Variants in CNTN5 observed in about 807,000 individuals in gnomAD.
CNTN5 encodes contactin-5.
In CNTN5, 77 loss-of-function variants were observed where a neutral mutation model predicts 129.1. The observed-to-expected ratio is 0.60, with a 90% CI of 0.50 to 0.72. The LOEUF (loss-of-function observed/expected upper bound fraction) is 0.72. Among genes scored for constraint, CNTN5 ranks in the 30% least tolerant of loss-of-function variants. The probability of loss-of-function intolerance (pLI) is 0.00; values close to 1 mark genes in which losing one functional copy is unlikely to be tolerated. For synonymous variants in CNTN5, 509 were observed against 465.6 expected, an observed-to-expected ratio of 1.09 and a Z score of -1.20; for missense variants, 1,478 against 1,328.8, an observed-to-expected ratio of 1.11 and a Z score of -1.75.
At chr11:99,986,479 G>T (rs1938686048) in intron 8 of CNTN5, among the ~76,000 whole-genome samples, 1 of 152,092 alleles carries the variant, frequency 6.6e-6, no homozygotes, top group Admixed American at 6.5e-5. Context: ...GTTCTTGACA[G>T]TTTTGTGCCC....
intron 15 of CNTN5, among the ~76,000 whole-genome samples, chr11:100,204,037 G>C (rs925604315): frequency 6.6e-6 from 1 of 151,394 alleles, no homozygotes; most frequent in South Asian, 2.1e-4. Flanking sequence ...TCCTTTCCCA[G>C]TGCTTCCATT....
At chr11:99,685,489 T>C (rs879565363) in intron 3 of CNTN5, among the ~76,000 whole-genome samples, 10 of 151,978 alleles carry the variant, frequency 6.6e-5, no homozygotes, top group Non-Finnish European at 1.2e-4. Flanking sequence ...TCAATTTATC[T>C]ATTATTTTTG....
At chr11:99,069,668 A>G (rs971536436) in intron 1 of CNTN5, among the ~76,000 whole-genome samples, 1 of 152,140 alleles carries the variant, frequency 6.6e-6, no homozygotes, top group Non-Finnish European at 1.5e-5. Flanking sequence ...CTTAATAAAT[A>G]TTTGTTTTAG....
intron 4 of CNTN5, among the ~76,000 whole-genome samples, chr11:99,825,762 T>C (rs963948236): frequency 6.6e-6 from 1 of 152,110 alleles, no homozygotes; most frequent in African/African-American, 2.4e-5. Flanking sequence ...AGTTGTTATT[T>C]CCTTTGTTAA....
intron 24 of CNTN5, 44 bp from the exon 25 acceptor site, chr11:100,356,073 A>C (rs779849294): frequency 7.2e-7 from 1 of 1,393,232 alleles, no homozygotes; most frequent in East Asian, 2.4e-5. Flanking sequence ...TAGCTCAAGC[A>C]AAACCAAGAT....
intron 6 of CNTN5, among the ~76,000 whole-genome samples, chr11:99,883,060 T>G (rs1281713951): frequency 2.0e-5 from 3 of 152,202 alleles, no homozygotes; most frequent in Non-Finnish European, 2.9e-5. Flanking sequence ...CATTCTTTTT[T>G]CTTTTGTGGC....
intron 6 of CNTN5, among the ~76,000 whole-genome samples, chr11:99,880,234 TG>T (rs1948737199): frequency 6.6e-6 from 1 of 152,230 alleles, no homozygotes; most frequent in Non-Finnish European, 1.5e-5. Context: ...ATAGCATTCA[TG>T]TTGCCATTGC....
At chr11:99,941,207 A>G (rs1050388072) in intron 7 of CNTN5, among the ~76,000 whole-genome samples, 5 of 152,192 alleles carry the variant, frequency 3.3e-5, no homozygotes, top group Non-Finnish European at 5.9e-5. Context: ...TTCAAGTCTC[A>G]TGTCCTTATC....
intron 1 of CNTN5, among the ~76,000 whole-genome samples, chr11:99,234,834 T>C (rs1396193047): frequency 2.0e-5 from 3 of 152,240 alleles, no homozygotes; most frequent in African/African-American, 7.2e-5. Flanking sequence ...GACACAGATA[T>C]CATTATGTCA....
chr11:99,408,848 C>A (rs543510038), intron 2 of CNTN5, among the ~76,000 whole-genome samples: 5 of 152,264 alleles, frequency 3.3e-5, no homozygotes, highest in Non-Finnish European at 7.4e-5. Flanking sequence ...CAATGGTTGA[C>A]TGAATAATAA....
At chr11:100,055,027 C>T (rs892231005) in intron 9 of CNTN5, among the ~76,000 whole-genome samples, 1 of 68,634 alleles carries the variant, frequency 1.5e-5, no homozygotes, top group African/African-American at 6.4e-5. Context: ...TAGCCGTAGC[C>T]TAAAAAAAAA....
chr11:99,551,903 G>T (rs555010944), intron 2 of CNTN5, among the ~76,000 whole-genome samples: 7 of 150,370 alleles, frequency 4.7e-5, no homozygotes, highest in African/African-American at 1.7e-4. Context: ...GAAACACTGA[G>T]TTTTTTCTTT....
At chr11:99,616,078 A>G (rs1307169390) in intron 3 of CNTN5, among the ~76,000 whole-genome samples, 1 of 152,034 alleles carries the variant, frequency 6.6e-6, no homozygotes, top group African/African-American at 2.4e-5. Context: ...ACACTTCTCC[A>G]TGTAAGCATT....
Position 100,038,382 on chromosome 11 carries a change from T to C in CNTN5, c.981-22830T>C, listed in dbSNP as rs575995630. On this transcript the variant is annotated intron_variant, in intron 9 of 24. Coordinates refer to ENST00000524871, the MANE Select transcript of CNTN5 (RefSeq NM_014361.4). ...TTACATTTGCTGAGGAGTGCTTTAC[T>C]TCCAACTATGTGGTCAATTTTGGAA... 5.9e-4 allele frequency among the ~76,000 whole-genome samples: 90 copies of C among 152,338 alleles called. 1 individual carries two copies. Among genetic ancestry groups the C allele is most frequent in the Middle Eastern group, 6.8e-3 (2 of 294 alleles).
rs932009139 is a variant in CNTN5, at chr11:99,292,399, C to T, written c.-209-32947C>T. 2.0e-5 allele frequency among the ~76,000 whole-genome samples: 3 copies of T among 151,890 alleles called. No homozygotes were observed. In the East Asian group the frequency reaches 5.8e-4, roughly 29 times the overall value. Reference sequence around the variant, plus strand: ...TTTCCAGTGAAATCAAAGGAAAGACCACTTATGTGTAAGAAAATAGAGGAA... The same window carrying T: ...TTTCCAGTGAAATCAAAGGAAAGACTACTTATGTGTAAGAAAATAGAGGAA... On this transcript the variant is annotated intron_variant, in intron 1 of 24. Coordinates refer to ENST00000524871, the MANE Select transcript of CNTN5 (RefSeq NM_014361.4).
At chr11:99,925,424 C>A (rs575671228) in intron 7 of CNTN5, among the ~76,000 whole-genome samples, 13 of 152,266 alleles carry the variant, frequency 8.5e-5, no homozygotes, top group African/African-American at 2.9e-4. Context: ...GTGTATAATG[C>A]ATTTGGTTGT....
At chr11:99,619,870 C>CA (rs1247092584) in intron 3 of CNTN5, among the ~76,000 whole-genome samples, 5 of 151,480 alleles carry the variant, frequency 3.3e-5, no homozygotes, top group Non-Finnish European at 5.9e-5. Flanking sequence ...ACTAAAAATA[C>CA]AAAAAATTAG....
intron 3 of CNTN5, among the ~76,000 whole-genome samples, chr11:99,570,792 T>TG (rs1313966018): frequency 6.6e-5 from 10 of 152,070 alleles, no homozygotes. Context: ...TGAGTAATAT[T>TG]GGGGGAGATG....
chr11:99,996,264 A>G (rs1939438311), intron 8 of CNTN5, among the ~76,000 whole-genome samples: 1 of 152,040 alleles, frequency 6.6e-6, no homozygotes, highest in African/African-American at 2.4e-5. Context: ...TTTATCTTGT[A>G]TTACTGAAGT....
Sources: gnomAD v4.1 joint callset for allele counts (sites outside exome capture counted in the v4.1 genomes callset) on GRCh38, gnomAD v4.1.1 for gene constraint, MANE v1.5 for transcripts, NCBI Gene and HGNC (gene_info 2026-07-23, HGNC 2026-07-21) for gene names.